The following TBCD variants were observed in gnomAD, a reference collection of about 807,000 sequenced individuals.
The protein encoded by TBCD is tubulin-specific chaperone D.
A neutral mutation model predicts 169.3 loss-of-function variants in TBCD; 105 were observed. That is an observed-to-expected ratio of 0.62 (90% CI 0.53 to 0.73). The LOEUF is 0.73. TBCD is among the 30% of genes least tolerant of loss of function. TBCD has a pLI of 0.00. For missense variants in TBCD, 1,444 were observed against 1,600.1 expected, an observed-to-expected ratio of 0.90 and a Z score of 1.66; for synonymous variants, 700 against 643.9, an observed-to-expected ratio of 1.09 and a Z score of -1.32.
chr17:82,802,191 G>A (rs1453709847), intron 9 of TBCD, among the ~76,000 whole-genome samples: 1 of 149,338 alleles, frequency 6.7e-6, no homozygotes, highest in Non-Finnish European at 1.5e-5. Flanking sequence ...AGCGGCCGGT[G>A]TGAACGGGTT....
chr17:82,864,280 A>G lies in TBCD; in HGVS notation c.1319-5944A>G, dbSNP rs2056997746. The G allele has an allele frequency of 6.6e-6, 1 of 152,236 alleles. No individual in the cohort carries two copies. The highest frequency in any genetic ancestry group is 1.5e-5 in the Non-Finnish European group (1 of 68,042). 9.4% of individuals were successfully genotyped at this position (152,236 alleles called of 1,614,324 possible). ...ATGAAGAAACAAATGTAGTGCAGAGAACAGAAAGCTGCTGTGTGACCTGCG... is the reference window on the plus strand; with the variant it reads ...ATGAAGAAACAAATGTAGTGCAGAGGACAGAAAGCTGCTGTGTGACCTGCG... On this transcript the variant is annotated intron_variant, in intron 13 of 38. Transcript: ENST00000355528. The surrounding 1 kb of genome is among the most constrained non-coding windows in gnomAD (Gnocchi z 6.3).
intron 9 of TBCD, among the ~76,000 whole-genome samples, chr17:82,801,749 T>C (rs1186603603): frequency 1.5e-5 from 2 of 135,668 alleles, no homozygotes; most frequent in Non-Finnish European, 3.1e-5. Context: ...TGCGTGATCG[T>C]GTGGCTCAGG....
At chr17:82,891,860 C>T (rs920396766) in intron 16 of TBCD, among the ~76,000 whole-genome samples, 3 of 152,132 alleles carry the variant, frequency 2.0e-5, no homozygotes, top group African/African-American at 7.2e-5. Flanking sequence ...TCTGCCTTCT[C>T]CCTACTGAGC....
intron 13 of TBCD, chr17:82,840,696 C>T (rs908279587): frequency 6.6e-6 from 1 of 152,334 alleles, no homozygotes; most frequent in African/African-American, 2.4e-5. Context: ...CCGCAAACCA[C>T]CCTCCCCCCA....
chr17:82,790,044 C>T (rs2049592192), intron 7 of TBCD, among the ~76,000 whole-genome samples: 1 of 152,188 alleles, frequency 6.6e-6, no homozygotes, highest in Non-Finnish European at 1.5e-5. Flanking sequence ...CTCATCTGTT[C>T]TCATGTGGCT....
intron 13 of TBCD, among the ~76,000 whole-genome samples, chr17:82,846,772 C>T (rs1340180466): frequency 1.3e-5 from 2 of 152,200 alleles, no homozygotes; most frequent in Middle Eastern, 3.4e-3. Context: ...CTGCAGGCCC[C>T]TGTGTTTTGG....
rs2061562655 is a variant in TBCD, at chr17:82,923,847, T to A, written c.2260+114T>A. ...GTGCAGTGGAGCAGAGCCACCACGA[T>A]CATGGCTGGAGTGGGACTGTTCGGG... is the stretch of plus-strand genomic sequence containing the variant. On this transcript the variant is annotated intron_variant, in intron 26 of 38. Coordinates refer to ENST00000355528, the MANE Select transcript of TBCD (RefSeq NM_005993.5). This position sits in a 1 kb window ranked among gnomAD's most constrained non-coding sequence, Gnocchi z 4.6. 1 of 841,754 alleles carries A rather than the reference T, an allele frequency of 1.2e-6. No homozygotes were observed. The highest frequency in any genetic ancestry group is 1.8e-6 in the Non-Finnish European group (1 of 541,778). The allele number at this position is 841,754 out of a possible 1,614,324, so 52.1% of individuals were successfully genotyped here. A position where few individuals can be genotyped will look rare whatever the true frequency, so the allele number is the denominator to read the frequency against.
In TBCD at chr17:82,835,289, C is replaced by G. The variant is rs2053871213; in HGVS notation, c.1318+20355C>G. ...CAAGGCGCCACCCCTCCTCCCTGCA[C>G]CCGTGTCCTTCCTCCCACACGCCAG... On this transcript the variant is annotated intron_variant, in intron 13 of 38. Coordinates refer to ENST00000355528, the MANE Select transcript of TBCD (RefSeq NM_005993.5). The surrounding 1 kb of genome is among the most constrained non-coding windows in gnomAD (Gnocchi z 4.5). Among the ~76,000 whole-genome samples, 1 of 152,308 alleles carries G rather than the reference C, an allele frequency of 6.6e-6. No homozygotes were observed. Among genetic ancestry groups the G allele is most frequent in the Admixed American group, 6.5e-5 (1 of 15,298 alleles).
Position 82,930,472 on chromosome 17 carries a change from G to T in TBCD, c.2992-50G>T. 1 of 1,597,624 alleles carries T rather than the reference G, an allele frequency of 6.3e-7. No homozygotes were observed. Among genetic ancestry groups the T allele is most frequent in the East Asian group, 2.2e-5 (1 of 44,484 alleles). ...GACCGGCTGTAGCCAAGCCTGAGGG[G>T]TGGCAGGCTCGGGGGTCCCACTGCC... On this transcript the variant is annotated intron_variant, in intron 32 of 38. Transcript: ENST00000355528. The surrounding 1 kb of genome is among the most constrained non-coding windows in gnomAD (Gnocchi z 5.2).
rs115387735 is a variant in TBCD, at chr17:82,788,379, C to T, written c.771+6658C>T. On this transcript the variant is annotated intron_variant, in intron 7 of 38. Coordinates refer to ENST00000355528, the MANE Select transcript of TBCD (RefSeq NM_005993.5). ...GAGTGGGTTTCTCCCTGTGTGTTCT[C>T]ACAATGGCTGGGAGGCGGCGGCGGG... 1.0e-2 allele frequency among the ~76,000 whole-genome samples: 1,519 copies of T among 152,206 alleles called. 21 individuals carry two copies. The highest frequency in any genetic ancestry group is 0.035 in the African/African-American group (1,444 of 41,526).
intron 18 of TBCD, among the ~76,000 whole-genome samples, chr17:82,901,764 G>A (rs1055307509): frequency 1.7e-4 from 26 of 152,248 alleles, no homozygotes; most frequent in African/African-American, 5.5e-4. Flanking sequence ...TCGGGCTGCC[G>A]GGGGAAGACC....
chr17:82,925,180 C>T, intron 27 of TBCD, 123 bp downstream of exon 27: 1 of 799,812 alleles, frequency 1.3e-6, no homozygotes, highest in South Asian at 1.9e-5. Context: ...GGAGGGGGTT[C>T]CTGGAAACCG....
At chr17:82,800,168 C>G (rs978485530) in intron 8 of TBCD, among the ~76,000 whole-genome samples, 1 of 152,162 alleles carries the variant, frequency 6.6e-6, no homozygotes, top group Non-Finnish European at 1.5e-5. Flanking sequence ...CACTTCCAGC[C>G]CATCTCTGAA....
chr17:82,761,051 C>T, intron 2 of TBCD, among the ~76,000 whole-genome samples: 1 of 152,034 alleles, frequency 6.6e-6, no homozygotes, highest in East Asian at 1.9e-4. Flanking sequence ...CCTCCTTCTC[C>T]TGGGTTCAAG....
In TBCD at chr17:82,938,270, G is replaced by A. The variant is rs535009500; in HGVS notation, c.3369+134G>A. On this transcript the variant is annotated intron_variant, in intron 36 of 38. Transcript: ENST00000355528. ...CCTCTCGTTAACGCGCCTGGGTGAC[G>A]ACGCGTCACAGGCACGCGGCTGCCA... The A allele has an allele frequency of 4.8e-5, 49 of 1,013,490 alleles. No homozygotes were observed. The Middle Eastern group carries it at 9.3e-4, about 19-fold the overall frequency. The allele number at this position is 1,013,490 out of a possible 1,614,324, so 62.8% of individuals were successfully genotyped here. A position where few individuals can be genotyped will look rare whatever the true frequency, so the allele number is the denominator to read the frequency against.
intron 8 of TBCD, among the ~76,000 whole-genome samples, chr17:82,800,292 C>T (rs1158542812): frequency 6.6e-6 from 1 of 152,316 alleles, no homozygotes; most frequent in South Asian, 2.1e-4. Flanking sequence ...CTCTCCCTGT[C>T]GTGCTGTGCC....
intron 6 of TBCD, among the ~76,000 whole-genome samples, chr17:82,776,877 C>T (rs930905252): frequency 3.3e-5 from 5 of 152,080 alleles, no homozygotes; most frequent in African/African-American, 7.2e-5. Flanking sequence ...AACATGGTGT[C>T]GCTGATTGCA....
chr17:82,778,812 C>T (rs2048759883), intron 6 of TBCD, among the ~76,000 whole-genome samples: 1 of 151,778 alleles, frequency 6.6e-6, no homozygotes, highest in Admixed American at 6.6e-5. Context: ...CAGGTGTGCG[C>T]CAGCACCCCT....
chr17:82,917,813 G>A (rs949915855), intron 23 of TBCD, among the ~76,000 whole-genome samples: 2 of 152,228 alleles, frequency 1.3e-5, no homozygotes, highest in African/African-American at 4.8e-5. Context: ...AGATGCTCCT[G>A]GATGCACTGT....
Sources: gnomAD v4.1 joint callset for allele counts (sites outside exome capture counted in the v4.1 genomes callset) on GRCh38, gnomAD v4.1.1 for gene constraint, Gnocchi (gnomAD v3.1) non-coding constraint, MANE v1.5 for transcripts, NCBI Gene and HGNC (gene_info 2026-07-23, HGNC 2026-07-21) for gene names.